FSAF1: variants seen among roughly 807,000 people sequenced by gnomAD.
FSAF1 encodes 40S small subunit processome assembly factor 1.
the FSAF1 span, among the ~76,000 whole-genome samples, chr1:231,231,489 T>C: frequency 6.6e-6 from 1 of 152,162 alleles, no homozygotes; most frequent in Admixed American, 6.5e-5. Flanking sequence ...AAATCAAGTC[T>C]CTAAGTTGAA....
the FSAF1 span, among the ~76,000 whole-genome samples, chr1:231,232,099 A>G: frequency 6.6e-6 from 1 of 152,186 alleles, no homozygotes; most frequent in Non-Finnish European, 1.5e-5. Context: ...TATTAGCATG[A>G]CCCACCACTG....
chr1:231,226,377 C>T, the FSAF1 span: 4 of 287,392 alleles, frequency 1.4e-5, no homozygotes, highest in African/African-American at 8.7e-5. Flanking sequence ...GCGGAAGCAG[C>T]TTCAGATGCT....
At chr1:231,228,709 G>A in the FSAF1 span, among the ~76,000 whole-genome samples, 9 of 152,144 alleles carry the variant, frequency 5.9e-5, no homozygotes, top group East Asian at 1.9e-4. Context: ...AATTTGGGCC[G>A]GGTGCAGTGG....
the FSAF1 span, chr1:231,226,996 G>A: frequency 1.4e-5 from 22 of 1,613,972 alleles, no homozygotes; most frequent in African/African-American, 4.0e-5. Context: ...ATAATGGCAC[G>A]TTCCTGTTCC....
the FSAF1 span, among the ~76,000 whole-genome samples, chr1:231,236,388 G>A: frequency 6.6e-6 from 1 of 152,076 alleles, no homozygotes. Flanking sequence ...AAAAACAAGA[G>A]GAAAGGGCAG....
At chr1:231,236,542 C>G in the FSAF1 span, among the ~76,000 whole-genome samples, 1 of 152,178 alleles carries the variant, frequency 6.6e-6, no homozygotes, top group South Asian at 2.1e-4. Context: ...CAGACTGCCA[C>G]AGATGTTCTA....
At chr1:231,229,211 T>A in the FSAF1 span, 1 of 1,568,984 alleles carries the variant, frequency 6.4e-7, no homozygotes, top group Non-Finnish European at 8.7e-7. Context: ...ATTAGCCTGC[T>A]GAGAGAAAAA....
At chr1:231,228,353 C>G in the FSAF1 span, among the ~76,000 whole-genome samples, 1 of 152,174 alleles carries the variant, frequency 6.6e-6, no homozygotes, top group Non-Finnish European at 1.5e-5. Flanking sequence ...AATCCCAACA[C>G]TTTGGGAGGA....
chr1:231,225,177 T>C, the FSAF1 span: 2 of 472,818 alleles, frequency 4.2e-6, no homozygotes, highest in Non-Finnish European at 7.6e-6. Context: ...CAGACTACGC[T>C]GCTGTAGCAG....
the FSAF1 span, among the ~76,000 whole-genome samples, chr1:231,240,073 C>T: frequency 1.3e-5 from 2 of 152,182 alleles, no homozygotes; most frequent in African/African-American, 4.8e-5. The surrounding 1 kb of genome is among the most constrained non-coding windows in gnomAD (Gnocchi z 4.1). Context: ...AATCAGAACC[C>T]AGGCTCTGCA....
At chr1:231,227,119 G>A in the FSAF1 span, 2 of 1,560,612 alleles carry the variant, frequency 1.3e-6, no homozygotes, top group African/African-American at 1.4e-5. Context: ...CAACTCCAAA[G>A]AAAAAAACAT....
the FSAF1 span, among the ~76,000 whole-genome samples, chr1:231,231,373 T>A: frequency 6.6e-6 from 1 of 152,218 alleles, no homozygotes; most frequent in African/African-American, 2.4e-5. Flanking sequence ...CAAAACCCTG[T>A]ATACCGTTCC....
At chr1:231,229,119 A>G in the FSAF1 span, 3 of 1,292,984 alleles carry the variant, frequency 2.3e-6, no homozygotes, top group East Asian at 7.4e-5. Context: ...AAAGTTAATT[A>G]TAAATAATTT....
At chr1:231,239,190 T>C in the FSAF1 span, 3 of 1,545,822 alleles carry the variant, frequency 1.9e-6, no homozygotes, top group African/African-American at 4.2e-5. Flanking sequence ...CTGTACCTCC[T>C]GTTTGTTCAA....
At chr1:231,232,113 A>G in the FSAF1 span, among the ~76,000 whole-genome samples, 3 of 152,150 alleles carry the variant, frequency 2.0e-5, no homozygotes, top group South Asian at 6.2e-4. Context: ...ACCACTGTCT[A>G]ATTTTTATTT....
chr1:231,235,229 A>G, the FSAF1 span, among the ~76,000 whole-genome samples: 5 of 152,302 alleles, frequency 3.3e-5, no homozygotes, highest in Non-Finnish European at 5.9e-5. Flanking sequence ...GGCCGGACGC[A>G]GTGGCTCACG....
the FSAF1 span, among the ~76,000 whole-genome samples, chr1:231,228,242 A>G: frequency 1.3e-5 from 2 of 152,154 alleles, no homozygotes; most frequent in East Asian, 1.9e-4. Context: ...CATACTTACC[A>G]TCGTATCAGT....
chr1:231,232,105 CACT>C, the FSAF1 span, among the ~76,000 whole-genome samples: 12 of 152,168 alleles, frequency 7.9e-5, no homozygotes, highest in African/African-American at 2.2e-4. Context: ...CATGACCCAC[CACT>C]GTCTAATTTT....
chr1:231,233,283 TAA>T, the FSAF1 span, among the ~76,000 whole-genome samples: 1 of 152,248 alleles, frequency 6.6e-6, no homozygotes, highest in African/African-American at 2.4e-5. Context: ...CTCTCTAGTA[TAA>T]AAGTTATGTA....
Sources: allele counts gnomAD v4.1 joint callset (sites outside exome capture counted in the v4.1 genomes callset), GRCh38; gene constraint gnomAD v4.1.1; non-coding constraint Gnocchi (gnomAD v3.1); transcripts MANE v1.5; gene names NCBI Gene and HGNC (gene_info 2026-07-23, HGNC 2026-07-21).